The following POLQ variants were observed in gnomAD, a reference collection of about 807,000 sequenced individuals.
POLQ encodes DNA polymerase theta, also known as epididymis secretory sperm binding protein.
A neutral mutation model predicts 259.2 loss-of-function variants in POLQ; 233 were observed. The ratio of observed to expected loss-of-function variants is 0.90; its 90% CI spans 0.81 to 1.00. POLQ has a LOEUF of 1.00. Ranked by LOEUF, POLQ falls within the 50% of genes least tolerant of loss-of-function variation. The probability of loss-of-function intolerance (pLI) is 0.00; values close to 1 mark genes in which losing one functional copy is unlikely to be tolerated. For missense variants in POLQ, 2,871 were observed against 3,051.6 expected, an observed-to-expected ratio of 0.94 and a Z score of 1.39; for synonymous variants, 1,025 against 1,048.8, an observed-to-expected ratio of 0.98 and a Z score of 0.44.
In POLQ at chr3:121,494,935, T is replaced by C. The variant is rs549338665; in HGVS notation, c.2279-1214A>G. The C allele has an allele frequency of 1.1e-4, 83 of 758,324 alleles. No individual in the cohort carries two copies. In the East Asian group the frequency reaches 2.5e-3, roughly 23 times the overall value. 47.0% of individuals were successfully genotyped at this position (758,324 alleles called of 1,614,324 possible). On this transcript the variant is annotated intron_variant, in intron 14 of 29. Coordinates refer to ENST00000264233, the MANE Select transcript of POLQ (RefSeq NM_199420.4). ...TGTACACTGTTGAGTTTTCTGTATA[T>C]AAAAATAATTAAAATAATACAAATT...
intron 15 of POLQ, among the ~76,000 whole-genome samples, chr3:121,491,346 C>CAAAAAAAAAAAAAAAAAAAA (rs3045625): frequency 3.8e-4 from 30 of 77,992 alleles, no homozygotes; most frequent in African/African-American, 6.2e-4. Flanking sequence ...GAGACTGTCA[C>CAAAAAAAAAAAAAAAAAAAA]AAAAAAAAAA....
chr3:121,544,686 A>C (rs2048516184), intron 2 of POLQ, 41 bp downstream of exon 2: 1 of 1,311,450 alleles, frequency 7.6e-7, no homozygotes, highest in Non-Finnish European at 1.1e-6. Context: ...CTTTACATTC[A>C]TATCTTAAAA....
chr3:121,531,190 AAATAAT>A (rs896092895), intron 6 of POLQ, among the ~76,000 whole-genome samples: 2 of 152,000 alleles, frequency 1.3e-5, no homozygotes, highest in African/African-American at 2.4e-5. Context: ...TCCATCTCAA[AAATAAT>A]AATAATAATA....
At position 121,496,881 on chromosome 3, in the gene POLQ, C is replaced by T. The variant is rs776085680; in HGVS notation, c.2205G>A (p.Arg735=). Residue 735 remains arginine (R), a synonymous_variant, in exon 14 of 30, where the codon AGG becomes AGA. Coordinates refer to ENST00000264233, the MANE Select transcript of POLQ (RefSeq NM_199420.4). ...TGCATCCATATTTCTGATTTATTTC[C>T]CTTAAGGGAACTTCACTGATTAAAT... ...LLDLISEVPL[R]EINQKYGCNR... is the part of the protein sequence containing the mutation. 94 of 1,613,270 alleles carry T rather than the reference C, an allele frequency of 5.8e-5. No individual in the cohort carries two copies. The highest frequency in any genetic ancestry group is 7.7e-5 in the Non-Finnish European group (91 of 1,179,728).
At chr3:121,505,766 T>C (rs1016700161) in intron 12 of POLQ, among the ~76,000 whole-genome samples, 1 of 151,452 alleles carries the variant, frequency 6.6e-6, no homozygotes, top group East Asian at 1.9e-4. Context: ...CCCAGCACTT[T>C]GGGAGGCCAA....
intron 8 of POLQ, 63 bp from the exon 9 acceptor site, chr3:121,520,146 TA>T (rs1282528052): frequency 1.1e-6 from 1 of 909,736 alleles, no homozygotes; most frequent in East Asian, 2.6e-5. Context: ...CGTGTTCACT[TA>T]CAAATGGATT....
chr3:121,540,284 G>T (rs953229586), intron 3 of POLQ, among the ~76,000 whole-genome samples: 1 of 152,060 alleles, frequency 6.6e-6, no homozygotes, highest in Non-Finnish European at 1.5e-5. Context: ...TTAACCCACA[G>T]GGCTAAGGGT....
chr3:121,437,922 A>G (rs1474677353), intron 27 of POLQ, among the ~76,000 whole-genome samples: 1 of 152,200 alleles, frequency 6.6e-6, no homozygotes, highest in Non-Finnish European at 1.5e-5. Flanking sequence ...ATGGAGCTCA[A>G]AAAAATGCAA....
chr3:121,458,253 G>C (rs1384014862), intron 25 of POLQ, among the ~76,000 whole-genome samples: 2 of 152,048 alleles, frequency 1.3e-5, no homozygotes, highest in African/African-American at 4.8e-5. Flanking sequence ...GGGAATGGGG[G>C]AGGGATAGCA....
In POLQ at chr3:121,510,140, C is replaced by A; in HGVS notation, c.1715G>T (p.Arg572Ile). The A allele has an allele frequency of 6.2e-7, 1 of 1,614,032 alleles. No homozygotes were observed. The highest frequency in any genetic ancestry group is 1.6e-4 in the Middle Eastern group (1 of 6,062). The part of the protein sequence containing the change: ...SMKEGKQGIQ[R>I]NQESVQLGAI... ...TCCAAGCTGAACAGACTCTTGATTTCTCTGAATTCCTTGCTTCCCTTCTTT... is the reference window on the plus strand; with the variant it reads ...TCCAAGCTGAACAGACTCTTGATTTATCTGAATTCCTTGCTTCCCTTCTTT... Residue 572 changes from arginine to isoleucine, a missense_variant, in exon 11 of 30, where the codon AGA becomes ATA. Transcript: ENST00000264233.
intron 25 of POLQ, among the ~76,000 whole-genome samples, chr3:121,456,169 G>A (rs1020287230): frequency 1.3e-5 from 2 of 152,094 alleles, no homozygotes; most frequent in Non-Finnish European, 2.9e-5. Context: ...AAGGCCTTTG[G>A]CAAAATTCAA....
chr3:121,528,202 G>A (rs2048386188), intron 7 of POLQ, among the ~76,000 whole-genome samples: 2 of 151,920 alleles, frequency 1.3e-5, no homozygotes, highest in South Asian at 4.2e-4. Flanking sequence ...GCTCACTGCA[G>A]CCTCCACCTC....
chr3:121,527,370 T>C (rs571702895), intron 7 of POLQ, among the ~76,000 whole-genome samples: 1 of 152,246 alleles, frequency 6.6e-6, no homozygotes, highest in East Asian at 1.9e-4. Flanking sequence ...CCTAATTTTT[T>C]AACTTTTGTA....
chr3:121,449,494 G>T, intron 25 of POLQ, 68 bp from the exon 26 acceptor site: 1 of 880,924 alleles, frequency 1.1e-6, no homozygotes, highest in Non-Finnish European at 1.9e-6. Context: ...GGTTCATTAG[G>T]ATGCGAATTT....
Position 121,489,914 on chromosome 3 carries a change from T to C in POLQ, c.3017A>G (p.Asn1006Ser). ...TTTCTTATCACTTGTTTTCCCCTCATTCTGAGAGGCTCCTGGCTTCTCTTT... is the reference window on the plus strand; with the variant it reads ...TTTCTTATCACTTGTTTTCCCCTCACTCTGAGAGGCTCCTGGCTTCTCTTT... ...INKEKPGASQ[N>S]EGKTSDKKVV... Residue 1006 changes from asparagine (N) to serine (S), a missense_variant, in exon 16 of 30, where the codon AAT becomes AGT. Around this residue, in one of 3 missense-constraint regions of POLQ, gnomAD observed 2,080 missense variants for 2,126.0 expected, o/e 0.98. Transcript: ENST00000264233. 1 of 1,589,020 alleles carries C rather than the reference T, an allele frequency of 6.3e-7. No individual in the cohort carries two copies. Among genetic ancestry groups the C allele is most frequent in the Non-Finnish European group, 8.5e-7 (1 of 1,173,558 alleles).
rs78593942 is a variant in POLQ, at chr3:121,437,816, A to G, written c.7390-1541T>C. Among the ~76,000 whole-genome samples the G allele has an allele frequency of 8.1e-3, 1,233 of 152,368 alleles. 16 individuals are homozygous for G. Among genetic ancestry groups the G allele is most frequent in the African/African-American group, 0.028 (1,170 of 41,574 alleles). On this transcript the variant is annotated intron_variant, in intron 27 of 29. Coordinates refer to ENST00000264233, the MANE Select transcript of POLQ (RefSeq NM_199420.4). ...AAAATAGATAAATTATGGTATATTTATATAAGAGTATACAGCTATTCCTAC... is the reference window on the plus strand; with the variant it reads ...AAAATAGATAAATTATGGTATATTTGTATAAGAGTATACAGCTATTCCTAC...
Position 121,489,462 on chromosome 3 carries a change from T to G in POLQ, c.3469A>C (p.Lys1157Gln). 1 of 1,614,090 alleles carries G rather than the reference T, an allele frequency of 6.2e-7. No homozygotes were observed. Among genetic ancestry groups the G allele is most frequent in the Non-Finnish European group, 8.5e-7 (1 of 1,179,984 alleles). ...TCQATSVVSEKGRGVAVEAEK... is the reference protein window; with the variant it reads ...TCQATSVVSEQGRGVAVEAEK... ...GCCTCAACAGCTACTCCTCTGCCCT[T>G]TTCACTAACCACACTAGTGGCCTGA... is the stretch of plus-strand genomic sequence containing the variant. Residue 1157 changes from lysine (K) to glutamine (Q), a missense_variant, in exon 16 of 30, where the codon AAG becomes CAG. Transcript: ENST00000264233.
intron 25 of POLQ, among the ~76,000 whole-genome samples, chr3:121,453,974 C>T (rs1327778012): frequency 1.3e-5 from 2 of 152,184 alleles, no homozygotes; most frequent in Non-Finnish European, 2.9e-5. Flanking sequence ...TTAACGGCAG[C>T]CAGAGACAAA....
At chr3:121,478,350 C>T (rs2047943658) in intron 19 of POLQ, among the ~76,000 whole-genome samples, 1 of 151,940 alleles carries the variant, frequency 6.6e-6, no homozygotes, top group Non-Finnish European at 1.5e-5. Flanking sequence ...AAATACAAGA[C>T]AGCAAAGAAA....
Sources: gnomAD v4.1 joint callset for allele counts (sites outside exome capture counted in the v4.1 genomes callset) on GRCh38, gnomAD v4.1.1 for gene constraint, gnomAD v4.1.1 regional missense constraint, MANE v1.5 for transcripts, NCBI Gene and HGNC (gene_info 2026-07-23, HGNC 2026-07-21) for gene names.